PRKG1: variants seen among roughly 807,000 people sequenced by gnomAD.
The protein encoded by PRKG1 is cGMP-dependent protein kinase 1.
In PRKG1, 35 loss-of-function variants were observed where a neutral mutation model predicts 88.1. The ratio of observed to expected loss-of-function variants is 0.40; its 90% CI spans 0.30 to 0.53. The LOEUF is 0.53. PRKG1 is among the 20% of genes least tolerant of loss of function. PRKG1 has a pLI of 0.59. For missense variants in PRKG1, 540 were observed against 839.8 expected (o/e 0.64, Z 4.41); for synonymous variants, 303 against 292.5 (o/e 1.04, Z -0.37).
chr10:51,428,619 A>T (rs1438674864), intron 2 of PRKG1, among the ~76,000 whole-genome samples: 1 of 152,226 alleles, frequency 6.6e-6, no homozygotes, highest in Non-Finnish European at 1.5e-5. Context: ...ATGAGTCTAT[A>T]GCATTTTTGC....
At chr10:51,223,941 G>A (rs980999680) in intron 2 of PRKG1, among the ~76,000 whole-genome samples, 6 of 152,072 alleles carry the variant, frequency 3.9e-5, no homozygotes, top group South Asian at 2.1e-4. Flanking sequence ...TGGCTCTAAG[G>A]GAAAGTGTGC....
At chr10:51,922,906 C>T (rs2132983552) in intron 5 of PRKG1, among the ~76,000 whole-genome samples, 1 of 152,094 alleles carries the variant, frequency 6.6e-6, no homozygotes, top group South Asian at 2.1e-4. Flanking sequence ...GTCAATTAGA[C>T]TGATTAATGG....
intron 5 of PRKG1, among the ~76,000 whole-genome samples, chr10:52,044,590 A>G (rs138956087): frequency 1.3e-5 from 2 of 152,294 alleles, no homozygotes; most frequent in African/African-American, 2.4e-5. Context: ...TGTTTGTTGT[A>G]GTAAGGAATA....
At chr10:51,211,800 T>C (rs147734981) in intron 2 of PRKG1, among the ~76,000 whole-genome samples, 8,306 of 152,072 alleles carry the variant, frequency 0.055, 443 homozygotes, top group African/African-American at 0.13. Flanking sequence ...CAAACCACTG[T>C]TCAATGAAAT....
intron 2 of PRKG1, among the ~76,000 whole-genome samples, chr10:51,359,647 GCTGA>G (rs1358582843): frequency 2.4e-4 from 36 of 151,874 alleles, no homozygotes; most frequent in Admixed American, 1.3e-3. Flanking sequence ...TGCCATCATG[GCTGA>G]CTATGTTTTA....
intron 5 of PRKG1, among the ~76,000 whole-genome samples, chr10:52,024,327 T>TA (rs1554793243): frequency 6.7e-6 from 1 of 149,126 alleles, no homozygotes; most frequent in Non-Finnish European, 1.5e-5. Context: ...CTTTTTTTTT[T>TA]ATTCTTTTTT....
intron 5 of PRKG1, among the ~76,000 whole-genome samples, chr10:51,977,936 T>C: frequency 6.6e-6 from 1 of 152,146 alleles, no homozygotes; most frequent in East Asian, 1.9e-4. Context: ...TTTATTCTGT[T>C]GATAGTTTCT....
At chr10:52,137,265 A>G (rs1398398762) in intron 8 of PRKG1, among the ~76,000 whole-genome samples, 2 of 152,132 alleles carry the variant, frequency 1.3e-5, no homozygotes, top group African/African-American at 2.4e-5. Context: ...AAACAGATAC[A>G]TGGTGTCCTC....
intron 3 of PRKG1, among the ~76,000 whole-genome samples, chr10:51,583,957 G>A (rs919771088): frequency 2.0e-5 from 3 of 151,880 alleles, no homozygotes; most frequent in African/African-American, 7.2e-5. Context: ...TCTTTCGATG[G>A]GATATAAATT....
intron 2 of PRKG1, among the ~76,000 whole-genome samples, chr10:51,383,912 T>C (rs12770701): frequency 6.6e-6 from 1 of 152,192 alleles, no homozygotes; most frequent in Non-Finnish European, 1.5e-5. Flanking sequence ...TACTTCTTTA[T>C]GTTTATTCTG....
At chr10:51,948,730 T>A (rs1267949501) in intron 5 of PRKG1, among the ~76,000 whole-genome samples, 1 of 152,148 alleles carries the variant, frequency 6.6e-6, no homozygotes, top group Non-Finnish European at 1.5e-5. Context: ...CACCACAACC[T>A]TTTTAAAATT....
chr10:51,589,669 A>T (rs1459141341), intron 3 of PRKG1, among the ~76,000 whole-genome samples: 1 of 152,100 alleles, frequency 6.6e-6, no homozygotes, highest in East Asian at 1.9e-4. Context: ...ATTCTATGTG[A>T]TTTACAGTAT....
At position 52,034,035 on chromosome 10, in the gene PRKG1, C is replaced by G. The variant is rs1034262980; in HGVS notation, c.763-20449C>G. 5.3e-5 allele frequency among the ~76,000 whole-genome samples: 8 copies of G among 151,826 alleles called. No individual in the cohort carries two copies. The East Asian group carries it at 1.2e-3, about 22-fold the overall frequency. On this transcript the variant is annotated intron_variant, in intron 5 of 17. Transcript: ENST00000373980. ...GGACTTTCACAAGGTAATGTCATCA[C>G]TTAAGGCAAGGACTGGCCATTTACA...
At chr10:51,382,399 G>A (rs897952428) in intron 2 of PRKG1, among the ~76,000 whole-genome samples, 1 of 152,168 alleles carries the variant, frequency 6.6e-6, no homozygotes, top group Non-Finnish European at 1.5e-5. Context: ...ATTAAGTAAG[G>A]TTGGAATTTC....
chr10:52,012,553 A>AT (rs1445011729), intron 5 of PRKG1, among the ~76,000 whole-genome samples: 3 of 151,468 alleles, frequency 2.0e-5, no homozygotes, highest in East Asian at 1.9e-4. Flanking sequence ...CGCCCAGCTA[A>AT]TTTTTTTATT....
At chr10:51,589,271 T>A (rs1240818548) in intron 3 of PRKG1, among the ~76,000 whole-genome samples, 1 of 152,158 alleles carries the variant, frequency 6.6e-6, no homozygotes, top group African/African-American at 2.4e-5. Context: ...GTGTAAGGTT[T>A]CATAGCAAAA....
intron 7 of PRKG1, among the ~76,000 whole-genome samples, chr10:52,132,757 T>C (rs1837300204): frequency 1.3e-5 from 2 of 152,112 alleles, no homozygotes; most frequent in Admixed American, 6.6e-5. Flanking sequence ...TTTTCAAGTA[T>C]AGCTTATTTT....
At chr10:51,621,878 CTTATTAACCACAGA>C (rs2132263322) in intron 3 of PRKG1, among the ~76,000 whole-genome samples, 1 of 152,212 alleles carries the variant, frequency 6.6e-6, no homozygotes, top group Non-Finnish European at 1.5e-5. Flanking sequence ...ACTGAAATTC[CTTATTAACCACAGA>C]TTCCTAGGTT....
At chr10:51,316,150 A>G (rs1841310874) in intron 2 of PRKG1, among the ~76,000 whole-genome samples, 1 of 152,198 alleles carries the variant, frequency 6.6e-6, no homozygotes, top group Non-Finnish European at 1.5e-5. Flanking sequence ...GGCACAAGAA[A>G]ATCTAAGAGA....
Sources: gnomAD v4.1 joint callset for allele counts (sites outside exome capture counted in the v4.1 genomes callset) on GRCh38, gnomAD v4.1.1 for gene constraint, MANE v1.5 for transcripts, NCBI Gene and HGNC (gene_info 2026-07-23, HGNC 2026-07-21) for gene names.